Variants in TRDN observed in about 807,000 individuals in gnomAD.
The protein encoded by TRDN is triadin in skeletal muscle.
A neutral mutation model predicts 149.7 loss-of-function variants in TRDN; 161 were observed. That is an observed-to-expected ratio of 1.08 (90% CI 0.95 to 1.23). The LOEUF (loss-of-function observed/expected upper bound fraction) is 1.23, where lower values mean the gene tolerates loss of function less well. Ranked by LOEUF, TRDN falls within the 50% of genes most tolerant of loss-of-function variation. TRDN has a pLI of 0.00. For synonymous variants in TRDN, 294 were observed against 250.5 expected (o/e 1.17, Z -1.64); for missense variants, 896 against 823.5 (o/e 1.09, Z -1.08).
chr6:123,591,743 A>C (rs560768705), intron 1 of TRDN, among the ~76,000 whole-genome samples: 4 of 152,316 alleles, frequency 2.6e-5, no homozygotes, highest in African/African-American at 7.2e-5. Flanking sequence ...GAAGAAAAAA[A>C]CCAGCAGCTT....
intron 20 of TRDN, among the ~76,000 whole-genome samples, chr6:123,360,706 AGAGAGAGAGAGACG>A (rs1048752376): frequency 3.0e-4 from 23 of 76,164 alleles, no homozygotes; most frequent in African/African-American, 1.8e-3. Flanking sequence ...AGAGAGAAAG[AGAGAGAGAGAGACG>A]GAGAGAGAGA....
intron 5 of TRDN, among the ~76,000 whole-genome samples, chr6:123,520,377 G>A (rs921129843): frequency 3.3e-5 from 5 of 152,086 alleles, no homozygotes; most frequent in African/African-American, 1.2e-4. Flanking sequence ...GTCCGTGACA[G>A]ACCAGGAAAA....
At chr6:123,238,904 A>C (rs1000346631) in intron 38 of TRDN, among the ~76,000 whole-genome samples, 4 of 152,126 alleles carry the variant, frequency 2.6e-5, no homozygotes, top group Non-Finnish European at 4.4e-5. Flanking sequence ...GCAGTGGCAC[A>C]ATCTCTGCTC....
At chr6:123,575,250 T>G (rs1259489832) in intron 1 of TRDN, among the ~76,000 whole-genome samples, 1 of 152,064 alleles carries the variant, frequency 6.6e-6, no homozygotes, top group Non-Finnish European at 1.5e-5. Context: ...TTAAAGAAAA[T>G]TATGTGTTGC....
chr6:123,615,611 A>G (rs1261123272), intron 1 of TRDN, among the ~76,000 whole-genome samples: 3 of 152,158 alleles, frequency 2.0e-5, no homozygotes, highest in Non-Finnish European at 4.4e-5. Context: ...CATTCACAGC[A>G]ACGTGGATGA....
intron 26 of TRDN, among the ~76,000 whole-genome samples, chr6:123,275,132 T>C (rs1020385104): frequency 6.6e-6 from 1 of 152,094 alleles, no homozygotes; most frequent in Non-Finnish European, 1.5e-5. Flanking sequence ...TTGAGACAAA[T>C]AATGTTATGG....
chr6:123,457,287 T>A (rs760724577), intron 10 of TRDN, among the ~76,000 whole-genome samples: 49 of 152,208 alleles, frequency 3.2e-4, no homozygotes, highest in Admixed American at 1.3e-4. Flanking sequence ...TAAATACCTC[T>A]TGATACTGAA....
intron 8 of TRDN, chr6:123,502,100 T>C (rs1237544567): frequency 1.0e-6 from 1 of 984,404 alleles, no homozygotes. Context: ...GAATGTACTT[T>C]GTAGGTTTTC....
chr6:123,381,959 C>CTCTCTCTT (rs1410131996), intron 15 of TRDN, among the ~76,000 whole-genome samples, 159 bp downstream of exon 15: 2 of 141,192 alleles, frequency 1.4e-5, no homozygotes, highest in African/African-American at 5.1e-5. Context: ...ATTTGGCGCT[C>CTCTCTCTT]TCTCTCTCTC....
intron 38 of TRDN, among the ~76,000 whole-genome samples, chr6:123,232,177 C>A (rs1270136541): frequency 1.3e-5 from 2 of 151,042 alleles, no homozygotes; most frequent in African/African-American, 4.9e-5. Context: ...TGGGGAAAAA[C>A]AGCAGAAGCC....
At chr6:123,259,380 T>C (rs940637569) in intron 35 of TRDN, among the ~76,000 whole-genome samples, 3 of 152,138 alleles carry the variant, frequency 2.0e-5, no homozygotes, top group African/African-American at 7.2e-5. Flanking sequence ...TTTAATTTAG[T>C]AGTAACAGGT....
At chr6:123,241,483 A>G (rs1009002765) in intron 38 of TRDN, among the ~76,000 whole-genome samples, 2 of 151,782 alleles carry the variant, frequency 1.3e-5, no homozygotes, top group African/African-American at 4.8e-5. Context: ...CATCTAAAAT[A>G]TCTATTATAC....
intron 10 of TRDN, chr6:123,464,508 T>A (rs1435325731): frequency 1.0e-6 from 1 of 999,130 alleles, no homozygotes; most frequent in Non-Finnish European, 1.2e-6. Context: ...CTTTCCAAAT[T>A]TACAAAGCTA....
At chr6:123,355,558 AGTTTGATCTT>A (rs1344959947) in intron 20 of TRDN, among the ~76,000 whole-genome samples, 2 of 151,692 alleles carry the variant, frequency 1.3e-5, no homozygotes, top group African/African-American at 4.8e-5. Context: ...CAAACCTTCC[AGTTTGATCTT>A]GTTCAGGATT....
At chr6:123,338,355 C>A (rs1779948757) in intron 21 of TRDN, among the ~76,000 whole-genome samples, 1 of 152,144 alleles carries the variant, frequency 6.6e-6, no homozygotes, top group African/African-American at 2.4e-5. Flanking sequence ...CCATTTACAA[C>A]CAACAGAAGT....
intron 9 of TRDN, among the ~76,000 whole-genome samples, chr6:123,479,251 A>T (rs1562337395): frequency 2.0e-5 from 3 of 152,134 alleles, no homozygotes; most frequent in Non-Finnish European, 2.9e-5. Context: ...TCTAGACCAA[A>T]GTATTTATTT....
intron 22 of TRDN, among the ~76,000 whole-genome samples, chr6:123,336,122 T>G (rs1314236984): frequency 2.6e-5 from 4 of 151,676 alleles, no homozygotes; most frequent in Non-Finnish European, 5.9e-5. Flanking sequence ...CCAAATAGAT[T>G]TTTTTTTGTT....
chr6:123,378,157 A>T (rs2114404149), intron 16 of TRDN, among the ~76,000 whole-genome samples: 1 of 152,342 alleles, frequency 6.6e-6, no homozygotes, highest in South Asian at 2.1e-4. Context: ...ATGATAAACC[A>T]GAAAAATAAA....
intron 24 of TRDN, among the ~76,000 whole-genome samples, chr6:123,296,762 T>C (rs1778216012): frequency 6.6e-6 from 1 of 152,016 alleles, no homozygotes; most frequent in Non-Finnish European, 1.5e-5. Flanking sequence ...AAATATGTTC[T>C]TAGGGATTTC....
Sources: allele counts gnomAD v4.1 joint callset (sites outside exome capture counted in the v4.1 genomes callset), GRCh38; gene constraint gnomAD v4.1.1; transcripts MANE v1.5; gene names NCBI Gene and HGNC (gene_info 2026-07-23, HGNC 2026-07-21).